Variants in PSMA8 observed in about 807,000 individuals in gnomAD.
PSMA8 encodes proteasome 20S subunit alpha 8.
Under a neutral mutation model 32.4 loss-of-function variants are expected in PSMA8, and 18 were observed. That is an observed-to-expected ratio of 0.56 (90% CI 0.38 to 0.82). PSMA8 has a LOEUF of 0.82. Among genes scored for constraint, PSMA8 ranks in the 40% least tolerant of loss-of-function variants. The pLI, the probability that PSMA8 is intolerant of heterozygous loss-of-function variation, is 0.00. For synonymous variants in PSMA8, 104 were observed against 98.1 expected (o/e 1.06, Z -0.36); for missense variants, 298 against 300.7 (o/e 0.99, Z 0.07).
chr18:26,158,420 A>C (rs1329833101), intron 4 of PSMA8, among the ~76,000 whole-genome samples, 176 bp downstream of exon 4: 2 of 152,228 alleles, frequency 1.3e-5, no homozygotes, highest in Non-Finnish European at 2.9e-5. Flanking sequence ...GAATCACCTT[A>C]ATTTTGTAAG....
intron 3 of PSMA8, among the ~76,000 whole-genome samples, chr18:26,155,816 C>T (rs1044941204): frequency 6.6e-6 from 1 of 152,092 alleles, no homozygotes; most frequent in Non-Finnish European, 1.5e-5. Context: ...TTATATCAAA[C>T]TAAAAAGCTT....
intron 1 of PSMA8, among the ~76,000 whole-genome samples, chr18:26,137,479 CAG>C: frequency 1.3e-5 from 2 of 152,212 alleles, no homozygotes; most frequent in African/African-American, 4.8e-5. Flanking sequence ...GCACTTGCTT[CAG>C]AGAGTTGATG....
intron 1 of PSMA8, among the ~76,000 whole-genome samples, chr18:26,140,744 C>T (rs1036728284): frequency 7.2e-5 from 11 of 152,186 alleles, no homozygotes; most frequent in Non-Finnish European, 1.2e-4. Context: ...GGAACATACC[C>T]GCTTTCATCT....
At chr18:26,149,979 G>T (rs1764335216) in intron 2 of PSMA8, among the ~76,000 whole-genome samples, 1 of 152,152 alleles carries the variant, frequency 6.6e-6, no homozygotes, top group African/African-American at 2.4e-5. Flanking sequence ...CATTATGATT[G>T]TATCCTCAAT....
At chr18:26,173,727 T>A (rs1254564041) in intron 4 of PSMA8, among the ~76,000 whole-genome samples, 1 of 152,130 alleles carries the variant, frequency 6.6e-6, no homozygotes, top group African/African-American at 2.4e-5. Context: ...TGGCTAATTT[T>A]GTATTTTTAG....
chr18:26,147,012 T>G (rs1172124486), intron 2 of PSMA8, among the ~76,000 whole-genome samples: 2 of 150,452 alleles, frequency 1.3e-5, no homozygotes, highest in African/African-American at 4.9e-5. Flanking sequence ...AAGGGAGAGG[T>G]GCCAAATACA....
At chr18:26,144,063 G>T (rs1044241208) in intron 1 of PSMA8, among the ~76,000 whole-genome samples, 1 of 152,114 alleles carries the variant, frequency 6.6e-6, no homozygotes, top group African/African-American at 2.4e-5. Context: ...TATATATACA[G>T]CTCACATTTA....
chr18:26,166,922 T>C (rs548380827), intron 4 of PSMA8, among the ~76,000 whole-genome samples: 12 of 152,236 alleles, frequency 7.9e-5, no homozygotes, highest in Non-Finnish European at 1.8e-4. Context: ...AGCATGATTA[T>C]TTAATGTTTT....
chr18:26,152,973 A>G (rs937045550), intron 3 of PSMA8, among the ~76,000 whole-genome samples: 2 of 152,194 alleles, frequency 1.3e-5, no homozygotes, highest in African/African-American at 4.8e-5. Context: ...TCTGTTCTTT[A>G]TACATTACCT....
chr18:26,165,014 T>G (rs192079873), intron 4 of PSMA8, among the ~76,000 whole-genome samples: 2 of 152,078 alleles, frequency 1.3e-5, no homozygotes, highest in East Asian at 3.9e-4. Context: ...ACCTCCCAGG[T>G]TCAAGCGATT....
chr18:26,190,452 G>A (rs2055392762), intron 6 of PSMA8, among the ~76,000 whole-genome samples: 1 of 152,054 alleles, frequency 6.6e-6, no homozygotes, highest in Non-Finnish European at 1.5e-5. Flanking sequence ...ATAATTTTTT[G>A]AAAAGGCTTC....
intron 1 of PSMA8, among the ~76,000 whole-genome samples, chr18:26,139,875 G>A (rs552358331): frequency 6.6e-6 from 1 of 152,254 alleles, no homozygotes; most frequent in African/African-American, 2.4e-5. Flanking sequence ...GACTAACATA[G>A]GTTTCTGTCT....
At chr18:26,179,157 G>T (rs752622201) in intron 6 of PSMA8, 27 bp downstream of exon 6, 7 of 1,553,584 alleles carry the variant, frequency 4.5e-6, no homozygotes, top group African/African-American at 2.7e-5. Flanking sequence ...AGAGGAAAAA[G>T]TATCTGTAGT....
intron 2 of PSMA8, among the ~76,000 whole-genome samples, chr18:26,145,371 G>C (rs1322673153): frequency 6.6e-6 from 1 of 152,116 alleles, no homozygotes; most frequent in African/African-American, 2.4e-5. Context: ...ACCCGCCACA[G>C]TCTCCCAAAG....
intron 4 of PSMA8, among the ~76,000 whole-genome samples, chr18:26,160,747 A>G (rs1180053336): frequency 1.3e-5 from 2 of 152,242 alleles, no homozygotes; most frequent in Admixed American, 1.3e-4. Flanking sequence ...ATAGGAAGTT[A>G]TGAACATAAA....
At chr18:26,167,668 G>A (rs2055191027) in intron 4 of PSMA8, among the ~76,000 whole-genome samples, 1 of 152,148 alleles carries the variant, frequency 6.6e-6, no homozygotes, top group Non-Finnish European at 1.5e-5. Flanking sequence ...GCATGAACAT[G>A]TATGTGTGCA....
chr18:26,152,962 G>A (rs34515305), intron 3 of PSMA8, among the ~76,000 whole-genome samples: 7,908 of 152,226 alleles, frequency 0.052, 231 homozygotes, highest in East Asian at 0.12. Flanking sequence ...AGAAGCAAAT[G>A]TCTGTTCTTT....
intron 1 of PSMA8, among the ~76,000 whole-genome samples, chr18:26,142,079 G>A (rs1386807424): frequency 6.1e-5 from 8 of 131,862 alleles, no homozygotes; most frequent in Admixed American, 3.5e-4. Flanking sequence ...TCTCTCTGTC[G>A]CCTGGGCTGG....
chr18:26,139,709 TA>T (rs2054939560), intron 1 of PSMA8, among the ~76,000 whole-genome samples: 3 of 152,188 alleles, frequency 2.0e-5, no homozygotes, highest in African/African-American at 7.2e-5. Context: ...TGAGGAACCT[TA>T]ATGACCTTTG....
Sources: gnomAD v4.1 joint callset for allele counts (sites outside exome capture counted in the v4.1 genomes callset) on GRCh38, gnomAD v4.1.1 for gene constraint, MANE v1.5 for transcripts, NCBI Gene and HGNC (gene_info 2026-07-23, HGNC 2026-07-21) for gene names.